The following SEC14L6 variants were observed in gnomAD, a reference collection of about 807,000 sequenced individuals.
SEC14L6 encodes SEC14 like lipid binding 6.
A neutral mutation model predicts 54.1 loss-of-function variants in SEC14L6; 40 were observed. The observed-to-expected ratio is 0.74, with a 90% CI of 0.57 to 0.96. The LOEUF is 0.96. SEC14L6 is among the 40% of genes least tolerant of loss of function. The pLI is 0.00. For synonymous variants in SEC14L6, 171 were observed against 198.4 expected, an observed-to-expected ratio of 0.86 and a Z score of 1.16; for missense variants, 471 against 498.3, an observed-to-expected ratio of 0.95 and a Z score of 0.52.
At position 30,543,902 on chromosome 22, in the gene SEC14L6, C is replaced by A; in HGVS notation, c.54+2727G>T. 5 of 1,593,972 alleles carry A rather than the reference C, an allele frequency of 3.1e-6. No individual in the cohort carries two copies. The South Asian group carries it at 5.5e-5, about 18-fold the overall frequency. ...GGGAAGAAGCCTGCTCCCCGGGCCG[C>A]GGAGCCCAACAACCACACAGAGTAT... On this transcript the variant is annotated intron_variant, in intron 1 of 11. Coordinates refer to ENST00000402034, the MANE Select transcript of SEC14L6 (RefSeq NM_001193336.4).
intron 1 of SEC14L6, among the ~76,000 whole-genome samples, chr22:30,541,938 G>A (rs1204919818): frequency 6.6e-6 from 1 of 152,226 alleles, no homozygotes; most frequent in Admixed American, 6.5e-5. Context: ...CTAAGGAAAT[G>A]GGTCAAGTTA....
intron 1 of SEC14L6, chr22:30,544,157 C>T (rs756070730): frequency 4.0e-4 from 423 of 1,059,910 alleles, no homozygotes; most frequent in Non-Finnish European, 5.5e-4. Flanking sequence ...ATGATGAGCA[C>T]AGCCAGCCCA....
chr22:30,538,820 T>C lies in SEC14L6; in HGVS notation c.130+7A>G. On this transcript the variant is annotated splice_region_variant and intron_variant, in intron 2 of 11. Transcript: ENST00000402034. ...GACCCTACCCCAGCCCCACGCTCTA[T>C]CCTTACCTTGGAGCCAGCGCAGGAG... 2 of 1,551,374 alleles carry C rather than the reference T, an allele frequency of 1.3e-6. No individual in the cohort carries two copies. The highest frequency in any genetic ancestry group is 1.7e-6 in the Non-Finnish European group (2 of 1,145,184).
Position 30,525,861 on chromosome 22 carries a change from T to C in SEC14L6, c.736A>G (p.Thr246Ala). The C allele has an allele frequency of 6.2e-7, 1 of 1,613,670 alleles. No homozygotes were observed. The highest frequency in any genetic ancestry group is 8.5e-7 in the Non-Finnish European group (1 of 1,179,754). The change falls in exon 9 of 12, where the codon ACT becomes GCT. Residue 246 changes from threonine to alanine, a missense_variant. Thr to Ala is a moderately conservative substitution (Grantham distance 58). Transcript: ENST00000402034. ...QLPVEFGGTM[T>A]DPDGNPKCLT... ...CACTTGGGGTTGCCATCGGGGTCAGTCATGGTCCCCCCAAACTCCACGGGC... is the reference window on the plus strand; with the variant it reads ...CACTTGGGGTTGCCATCGGGGTCAGCCATGGTCCCCCCAAACTCCACGGGC...
At chr22:30,538,799 CT>C in intron 2 of SEC14L6, 27 bp downstream of exon 2, 1 of 1,500,990 alleles carries the variant, frequency 6.7e-7, no homozygotes. Flanking sequence ...GCCATTGACC[CT>C]ACCCCAGCCC....
chr22:30,544,932 G>A (rs571314003), intron 1 of SEC14L6, among the ~76,000 whole-genome samples: 5 of 152,070 alleles, frequency 3.3e-5, no homozygotes, highest in African/African-American at 9.6e-5. Flanking sequence ...CAACAACAAC[G>A]TGAAAAAAAG....
intron 2 of SEC14L6, among the ~76,000 whole-genome samples, chr22:30,535,065 A>C (rs561228025): frequency 1.2e-4 from 18 of 152,082 alleles, no homozygotes; most frequent in Non-Finnish European, 2.2e-4. Flanking sequence ...AAAATTATAT[A>C]TAAGTTTGCC....
chr22:30,539,885 C>A (rs1036553868), intron 1 of SEC14L6, among the ~76,000 whole-genome samples: 3 of 152,198 alleles, frequency 2.0e-5, no homozygotes, highest in Non-Finnish European at 4.4e-5. Context: ...GCCCACCCTG[C>A]AGGGTCTGAG....
chr22:30,531,477 C>T (rs930720014), intron 6 of SEC14L6, among the ~76,000 whole-genome samples: 12 of 152,036 alleles, frequency 7.9e-5, no homozygotes, highest in African/African-American at 2.9e-4. Flanking sequence ...GTAATCCCAG[C>T]ACTTTGGGAG....
intron 1 of SEC14L6, among the ~76,000 whole-genome samples, chr22:30,539,326 G>A (rs561074275): frequency 3.9e-5 from 6 of 152,058 alleles, no homozygotes; most frequent in East Asian, 1.9e-4. Context: ...GCAGTGAGCC[G>A]AGATCCCACC....
At chr22:30,542,567 C>T in intron 1 of SEC14L6, 1 of 1,410,146 alleles carries the variant, frequency 7.1e-7, no homozygotes, top group African/African-American at 1.5e-5. Flanking sequence ...GGCGTAGCCG[C>T]GGCCCATGGA....
At chr22:30,542,926 T>C in intron 1 of SEC14L6, 1 of 1,601,018 alleles carries the variant, frequency 6.2e-7, no homozygotes, top group South Asian at 1.1e-5. Context: ...TGCCGGCACC[T>C]ACTACTGTGT....
intron 2 of SEC14L6, 25 bp downstream of exon 2, chr22:30,538,802 C>A (rs1247583108): frequency 6.6e-7 from 1 of 1,515,148 alleles, no homozygotes; most frequent in Non-Finnish European, 9.0e-7. Flanking sequence ...ATTGACCCTA[C>A]CCCAGCCCCA....
At chr22:30,543,942 C>A (rs2085769595) in intron 1 of SEC14L6, 1 of 1,605,838 alleles carries the variant, frequency 6.2e-7, no homozygotes. Flanking sequence ...GCATTCAGAC[C>A]AGCCTGCAGC....
chr22:30,539,140 G>A (rs1192002759), intron 1 of SEC14L6, among the ~76,000 whole-genome samples: 3 of 152,222 alleles, frequency 2.0e-5, no homozygotes, highest in Non-Finnish European at 2.9e-5. Context: ...ACTTTGGGAG[G>A]CAGAGGTGGG....
At chr22:30,529,482 G>A (rs1245474299) in intron 6 of SEC14L6, 133 bp from the exon 7 acceptor site, 8 of 693,692 alleles carry the variant, frequency 1.2e-5, no homozygotes, top group South Asian at 3.5e-5. Flanking sequence ...TGATGCAGAC[G>A]GCTCCCGATG....
intron 8 of SEC14L6, among the ~76,000 whole-genome samples, chr22:30,526,358 C>G (rs1175700200): frequency 3.9e-5 from 6 of 152,224 alleles, no homozygotes. Flanking sequence ...TCCCAGGGCT[C>G]CAGCACCCTC....
rs1011621676 is a variant in SEC14L6, at chr22:30,538,941, C to T, written c.55-39G>A. 5 of 1,419,128 alleles carry T rather than the reference C, an allele frequency of 3.5e-6. No homozygotes were observed. The Admixed American group carries it at 9.9e-5, about 28-fold the overall frequency. The allele number at this position is 1,419,128 out of a possible 1,614,324, so 87.9% of individuals were successfully genotyped here. On this transcript the variant is annotated intron_variant, in intron 1 of 11. Transcript: ENST00000402034. Reference sequence around the variant, plus strand: ...GGGAGAGACCTGGGTCAGAGGCCAACCACCCTCGGTCCTGCAGGTCTCAAC... The same window carrying T: ...GGGAGAGACCTGGGTCAGAGGCCAATCACCCTCGGTCCTGCAGGTCTCAAC...
At chr22:30,538,713 T>A in intron 2 of SEC14L6, 114 bp downstream of exon 2, 1 of 704,290 alleles carries the variant, frequency 1.4e-6, no homozygotes, top group Non-Finnish European at 2.4e-6. Flanking sequence ...TAATAAATGT[T>A]TGCAGTTGTT....
Sources: allele counts gnomAD v4.1 joint callset (sites outside exome capture counted in the v4.1 genomes callset), GRCh38; gene constraint gnomAD v4.1.1; transcripts MANE v1.5; gene names NCBI Gene and HGNC (gene_info 2026-07-23, HGNC 2026-07-21).